Variants in ACTL6B observed in about 807,000 individuals in gnomAD.
ACTL6B encodes actin-like protein 6B.
ACTL6B carries 48 observed loss-of-function variants against 63.3 expected under a neutral mutation model. That is an observed-to-expected ratio of 0.76 (90% CI 0.60 to 0.96). The LOEUF (loss-of-function observed/expected upper bound fraction) is 0.96, where lower values mean the gene tolerates loss of function less well. ACTL6B is among the 50% of genes least tolerant of loss of function. The pLI is 0.00. For missense variants in ACTL6B, 350 were observed against 572.2 expected, an observed-to-expected ratio of 0.61 and a Z score of 3.96; for synonymous variants, 230 against 223.8, an observed-to-expected ratio of 1.03 and a Z score of -0.25.
In ACTL6B at chr7:100,655,452, C is replaced by G; in HGVS notation, c.237G>C (p.Ala79=). Residue 79 remains alanine, a synonymous_variant, in exon 3 of 14, where the codon GCG becomes GCC. Coordinates refer to ENST00000160382, the MANE Select transcript of ACTL6B (RefSeq NM_016188.5). This position sits in a 1 kb window ranked among gnomAD's most constrained non-coding sequence, Gnocchi z 4.4. ...CATTCTTGAGGGGCGACATGACCTC[C>G]GCTCCATCCCGAGGCACGTGCAGGG... ...TNALHVPRDG[A]EVMSPLKNGM... The G allele has an allele frequency of 6.2e-7, 1 of 1,614,120 alleles. No individual in the cohort carries two copies. Among genetic ancestry groups the G allele is most frequent in the South Asian group, 1.1e-5 (1 of 91,084 alleles).
rs2131333527 is a variant in ACTL6B at position 100,646,886 on chromosome 7, C to T, written c.937-55G>A. The stretch of plus-strand genomic sequence containing the variant: ...CTCTCTCCCCCTTCCCCCCAGACCC[C>T]TGCAATCCTTCCCAGCCTCCCCCAC... On this transcript the variant is annotated intron_variant, in intron 10 of 13. Transcript: ENST00000160382. The surrounding 1 kb of genome is among the most constrained non-coding windows in gnomAD (Gnocchi z 6.1). 11 of 1,602,772 alleles carry T rather than the reference C, an allele frequency of 6.9e-6. No individual in the cohort carries two copies. In the East Asian group the frequency reaches 1.1e-4, roughly 16 times the overall value.
chr7:100,648,020 C>T lies in ACTL6B; in HGVS notation c.670-487G>A, dbSNP rs1370456694. 2.0e-5 allele frequency among the ~76,000 whole-genome samples: 3 copies of T among 148,174 alleles called. No homozygotes were observed. Among genetic ancestry groups the T allele is most frequent in the African/African-American group, 7.5e-5 (3 of 40,044 alleles). The stretch of plus-strand genomic sequence containing the variant: ...GGTCGCCCAGGCTGGAGTGCAGTGG[C>T]GCGATCTCGGCTCACTGCAACCTCT... On this transcript the variant is annotated intron_variant, in intron 7 of 13. Coordinates refer to ENST00000160382, the MANE Select transcript of ACTL6B (RefSeq NM_016188.5). The surrounding 1 kb of genome is among the most constrained non-coding windows in gnomAD (Gnocchi z 4.4).
rs1032309991 is a variant in ACTL6B, at chr7:100,648,484, G to T, written c.669+72C>A. ...TGCTCTCTGCTCTGATATCTCATGT[G>T]TCAGAGGGTTGACGGCCATGGGGCG... On this transcript the variant is annotated intron_variant, in intron 7 of 13. Coordinates refer to ENST00000160382, the MANE Select transcript of ACTL6B (RefSeq NM_016188.5). The surrounding 1 kb of genome is among the most constrained non-coding windows in gnomAD (Gnocchi z 4.4). The T allele has an allele frequency of 2.3e-6, 3 of 1,302,512 alleles. No individual in the cohort carries two copies. In the African/African-American group the frequency reaches 4.5e-5, roughly 19 times the overall value. The allele number at this position is 1,302,512 out of a possible 1,614,324, so 80.7% of individuals were successfully genotyped here.
At chr7:100,645,879 G>C (rs113507840) in intron 13 of ACTL6B, among the ~76,000 whole-genome samples, 2,117 of 152,218 alleles carry the variant, frequency 0.014, 55 homozygotes, top group African/African-American at 0.048. Flanking sequence ...TGATCCACCC[G>C]TCTCGGCCTC....
chr7:100,651,541 A>G (rs1803940340), intron 4 of ACTL6B, among the ~76,000 whole-genome samples: 2 of 150,756 alleles, frequency 1.3e-5, no homozygotes, highest in African/African-American at 4.9e-5. Context: ...CAAGAGTGAC[A>G]CTTCATCTCA....
Position 100,646,748 on chromosome 7 carries a change from C to T in ACTL6B, c.1017+3G>A. On this transcript the variant is annotated splice_donor_region_variant and intron_variant, in intron 11 of 13. Transcript: ENST00000160382. The surrounding 1 kb of genome is among the most constrained non-coding windows in gnomAD (Gnocchi z 6.1). ...CCGAGCCTCAGCTCCGGCCTGGCCT[C>T]ACCGGGCGAATATCAATGTCACACA... is the stretch of plus-strand genomic sequence containing the variant. The T allele has an allele frequency of 1.2e-6, 2 of 1,613,718 alleles. No homozygotes were observed.
In ACTL6B at chr7:100,651,215, A is replaced by G. The variant is rs927444503; in HGVS notation, c.370-1080T>C. Among the ~76,000 whole-genome samples the G allele has an allele frequency of 0.025, 4 of 160 alleles. No homozygotes were observed. The African/African-American group carries it at 0.3, about 12-fold the overall frequency. The allele number at this position is 160 out of a possible 152,430, so 0.1% of individuals were successfully genotyped here. On this transcript the variant is annotated intron_variant, in intron 4 of 13. Transcript: ENST00000160382. ...GCTATCAACTCAAGGTGAGACACAC[A>G]AAAGTCTCAAAAAATATACTTCCCA...
At chr7:100,645,957 A>C (rs2131332742) in intron 13 of ACTL6B, among the ~76,000 whole-genome samples, 1 of 152,298 alleles carries the variant, frequency 6.6e-6, no homozygotes, top group Admixed American at 6.5e-5. Context: ...GTAAAAGTAG[A>C]GATGGGTCTT....
At chr7:100,652,179 G>A (rs570588063) in intron 4 of ACTL6B, among the ~76,000 whole-genome samples, 4 of 151,662 alleles carry the variant, frequency 2.6e-5, no homozygotes, top group Non-Finnish European at 4.4e-5. Flanking sequence ...CCGGCGGATC[G>A]CGAGGTCAGG....
At chr7:100,654,645 G>A (rs1318189835) in intron 4 of ACTL6B, among the ~76,000 whole-genome samples, 1 of 151,708 alleles carries the variant, frequency 6.6e-6, no homozygotes, top group Non-Finnish European at 1.5e-5. Context: ...AGCCAGGCGT[G>A]GTGGCGGGTG....
Position 100,648,857 on chromosome 7 carries a change from G to A in ACTL6B, c.468-34C>T, listed in dbSNP as rs370684630. ...GGATGGGTAAGTCAAAGAGACAGCA[G>A]CAGCAAGTGAGGGGCCTGGGCCCAG... On this transcript the variant is annotated intron_variant, in intron 5 of 13. Transcript: ENST00000160382. This position sits in a 1 kb window ranked among gnomAD's most constrained non-coding sequence, Gnocchi z 4.4. The A allele has an allele frequency of 3.1e-6, 5 of 1,595,248 alleles. No homozygotes were observed. Among genetic ancestry groups the A allele is most frequent in the Non-Finnish European group, 4.3e-6 (5 of 1,169,874 alleles).
At chr7:100,652,999 C>CATAAA (rs1803969036) in intron 4 of ACTL6B, among the ~76,000 whole-genome samples, 1 of 25,948 alleles carries the variant, frequency 3.9e-5, no homozygotes, top group Admixed American at 7.5e-4. Context: ...AACTCCGTCT[C>CATAAA]AAAAAAAAAA....
chr7:100,655,636 T>C lies in ACTL6B; in HGVS notation c.103-50A>G. The stretch of plus-strand genomic sequence containing the variant: ...ATTGGCAGGGAGAGAGGTCACCCTC[T>C]TGCCCCTGTCCAGCCCCACAGCAGG... On this transcript the variant is annotated intron_variant, in intron 2 of 13. Transcript: ENST00000160382. The surrounding 1 kb of genome is among the most constrained non-coding windows in gnomAD (Gnocchi z 4.4). 2 of 1,579,718 alleles carry C rather than the reference T, an allele frequency of 1.3e-6. No individual in the cohort carries two copies. Among genetic ancestry groups the C allele is most frequent in the South Asian group, 2.4e-5 (2 of 84,950 alleles).
chr7:100,653,966 G>T (rs952630413), intron 4 of ACTL6B, among the ~76,000 whole-genome samples: 1 of 151,784 alleles, frequency 6.6e-6, no homozygotes, highest in African/African-American at 2.4e-5. Flanking sequence ...TTTTTTAAAT[G>T]AGGTTTTAAA....
chr7:100,652,531 T>C (rs1309676110), intron 4 of ACTL6B, among the ~76,000 whole-genome samples: 3 of 141,404 alleles, frequency 2.1e-5, no homozygotes, highest in Non-Finnish European at 4.5e-5. Flanking sequence ...GAGCTTGCAG[T>C]GAGCCGAGAT....
chr7:100,646,338 G>A lies in ACTL6B; in HGVS notation c.1114-3C>T, dbSNP rs777778297. The A allele has an allele frequency of 1.2e-6, 2 of 1,613,702 alleles. No homozygotes were observed. Among genetic ancestry groups the A allele is most frequent in the Non-Finnish European group, 1.7e-6 (2 of 1,179,836 alleles). On this transcript the variant is annotated splice_region_variant and splice_polypyrimidine_tract_variant and intron_variant, in intron 12 of 13. Coordinates refer to ENST00000160382, the MANE Select transcript of ACTL6B (RefSeq NM_016188.5). The surrounding 1 kb of genome is among the most constrained non-coding windows in gnomAD (Gnocchi z 6.1). ...GCAATGAGTTTCAGTCGCATGCTCTGGGGGTAAAAAGGGGCTGGGGGAAGC... is the reference window on the plus strand; with the variant it reads ...GCAATGAGTTTCAGTCGCATGCTCTAGGGGTAAAAAGGGGCTGGGGGAAGC...
At position 100,648,968 on chromosome 7, in the gene ACTL6B, G is replaced by A; in HGVS notation, c.468-145C>T. The stretch of plus-strand genomic sequence containing the variant: ...TCCCCCTGGTGATGACTCATCTCCT[G>A]GAGAAAGGCTCTGAGACCCCAGTTA... On this transcript the variant is annotated intron_variant, in intron 5 of 13. Coordinates refer to ENST00000160382, the MANE Select transcript of ACTL6B (RefSeq NM_016188.5). The surrounding 1 kb of genome is among the most constrained non-coding windows in gnomAD (Gnocchi z 4.4). 1.4e-6 allele frequency: 1 copy of A among 699,398 alleles called. No individual in the cohort carries two copies. Among genetic ancestry groups the A allele is most frequent in the Non-Finnish European group, 2.3e-6 (1 of 442,410 alleles). 43.3% of individuals were successfully genotyped at this position (699,398 alleles called of 1,614,324 possible).
Position 100,646,281 on chromosome 7 carries a change from G to A in ACTL6B, c.1168C>T (p.Pro390Ser). 1 of 1,614,170 alleles carries A rather than the reference G, an allele frequency of 6.2e-7. No homozygotes were observed. Among genetic ancestry groups the A allele is most frequent in the African/African-American group, 1.3e-5 (1 of 75,056 alleles). Reference sequence around the variant, plus strand: ...GCCAGGATGGAACCCCCGATCCAGGGGCTGAACTTGCGCTCCATGGTGCTG... The same window carrying A: ...GCCAGGATGGAACCCCCGATCCAGGAGCTGAACTTGCGCTCCATGGTGCTG... Reference protein sequence around the residue: ...SNSTMERKFSPWIGGSILASL... With the variant: ...SNSTMERKFSSWIGGSILASL... Residue 390 changes from proline to serine, a missense_variant, in exon 13 of 14, where the codon CCC becomes TCC. Coordinates refer to ENST00000160382, the MANE Select transcript of ACTL6B (RefSeq NM_016188.5). This position sits in a 1 kb window ranked among gnomAD's most constrained non-coding sequence, Gnocchi z 6.1.
chr7:100,644,908 T>C (rs1167846250), intron 13 of ACTL6B, among the ~76,000 whole-genome samples: 1 of 151,910 alleles, frequency 6.6e-6, no homozygotes, highest in African/African-American at 2.4e-5. Flanking sequence ...ATCCAAAAAT[T>C]AGCCAGGCGT....
Sources: gnomAD v4.1 joint callset for allele counts (sites outside exome capture counted in the v4.1 genomes callset) on GRCh38, gnomAD v4.1.1 for gene constraint, Gnocchi (gnomAD v3.1) non-coding constraint, MANE v1.5 for transcripts, NCBI Gene and HGNC (gene_info 2026-07-23, HGNC 2026-07-21) for gene names.